Variants in OLFM2 observed in about 807,000 individuals in gnomAD.
OLFM2 encodes the protein noelin-2.
In OLFM2, 20 loss-of-function variants were observed where a neutral mutation model predicts 43.9. That is an observed-to-expected ratio of 0.46 (90% CI 0.32 to 0.66). OLFM2 has a LOEUF of 0.66. OLFM2 is among the 30% of genes least tolerant of loss of function. The pLI is 0.04. For synonymous variants in OLFM2, 268 were observed against 278.6 expected (o/e 0.96, Z 0.38); for missense variants, 416 against 643.6 (o/e 0.65, Z 3.83).
intron 1 of OLFM2, among the ~76,000 whole-genome samples, chr19:9,864,806 T>TC (rs1846663597): frequency 1.3e-5 from 2 of 149,482 alleles, no homozygotes; most frequent in Non-Finnish European, 3.0e-5. Flanking sequence ...TTTTTTTTTT[T>TC]TCCTTTTGTA....
At chr19:9,860,488 A>AAG (rs1177388030) in intron 2 of OLFM2, among the ~76,000 whole-genome samples, 157 bp downstream of exon 2, 165 of 151,362 alleles carry the variant, frequency 1.1e-3, no homozygotes, top group African/African-American at 3.9e-3. Context: ...AAAAAAAAAA[A>AAG]AAAAGGACCT....
intron 1 of OLFM2, among the ~76,000 whole-genome samples, chr19:9,900,989 AGGGAGGGAGGGGGGAGGGAG>A (rs1268306866): frequency 3.3e-5 from 1 of 30,334 alleles, no homozygotes; most frequent in Non-Finnish European, 5.1e-5. Context: ...GAAGGAAGGA[AGGGAGGGAGGGGGGAGGGAG>A]GGAAGGAGGA....
At chr19:9,917,537 G>A (rs2086392217) in intron 1 of OLFM2, among the ~76,000 whole-genome samples, 1 of 152,086 alleles carries the variant, frequency 6.6e-6, no homozygotes, top group African/African-American at 2.4e-5. Context: ...GTCTGCTTGG[G>A]GTGGAGGGTG....
intron 1 of OLFM2, among the ~76,000 whole-genome samples, chr19:9,905,318 G>T (rs919487141): frequency 4.6e-5 from 7 of 152,220 alleles, no homozygotes; most frequent in Admixed American, 3.9e-4. Context: ...TTAGCCGGGC[G>T]TAGTGGTGGG....
chr19:9,883,356 A>G (rs1356792348), intron 1 of OLFM2, among the ~76,000 whole-genome samples: 4 of 152,102 alleles, frequency 2.6e-5, no homozygotes, highest in Admixed American at 1.3e-4. Context: ...TTTCAGATGA[A>G]TCAATCTCAG....
At chr19:9,868,069 A>AT (rs59081480) in intron 1 of OLFM2, among the ~76,000 whole-genome samples, 17,080 of 147,132 alleles carry the variant, frequency 0.12, 1,043 homozygotes, top group Middle Eastern at 0.18. Context: ...AACCAGGCTA[A>AT]TTTTTTTTTT....
In OLFM2 at chr19:9,857,790, G is replaced by A; in HGVS notation, c.285C>T (p.Gly95=). ...RTYRDLQYVR[G]METLMRSLDA... is the part of the protein sequence containing the mutation. ...CCAGGCTCCGCATGAGGGTCTCCAT[G>A]CCGCGTACATACTGGAGGTCGCGAT... Residue 95 remains glycine, a synonymous_variant, in exon 3 of 6, where the codon GGC becomes GGT. Coordinates refer to ENST00000264833, the MANE Select transcript of OLFM2 (RefSeq NM_058164.4). This position sits in a 1 kb window ranked among gnomAD's most constrained non-coding sequence, Gnocchi z 5.7. 1 of 1,614,130 alleles carries A rather than the reference G, an allele frequency of 6.2e-7. No homozygotes were observed. The highest frequency in any genetic ancestry group is 2.2e-5 in the East Asian group (1 of 44,876).
chr19:9,872,490 G>A (rs1241358394), intron 1 of OLFM2, among the ~76,000 whole-genome samples: 1 of 150,684 alleles, frequency 6.6e-6, no homozygotes, highest in South Asian at 2.1e-4. Context: ...ACTCCAACCT[G>A]GGTGACAGAG....
At chr19:9,884,561 G>A (rs969266244) in intron 1 of OLFM2, among the ~76,000 whole-genome samples, 19 of 152,128 alleles carry the variant, frequency 1.2e-4, no homozygotes, top group African/African-American at 4.1e-4. Context: ...CCAGGTCTAT[G>A]GGACTGTAGA....
chr19:9,914,158 GGGA>G (rs1192678425), intron 1 of OLFM2, among the ~76,000 whole-genome samples: 1 of 151,832 alleles, frequency 6.6e-6, no homozygotes, highest in Non-Finnish European at 1.5e-5. Context: ...CCTGAGCCGC[GGGA>G]CCCCGCGCGT....
In OLFM2 at chr19:9,929,595, C is replaced by CAAAAT. The variant is rs71188856; in HGVS notation, c.63+6704_63+6708dup. On this transcript the variant is annotated intron_variant, in intron 1 of 5. Transcript: ENST00000264833. ...TGGGCGACAGAGTGAGACCCCGTCTCAAAATAAAATAAAATAAAATAAAAT... is the reference window on the plus strand; with the variant it reads ...TGGGCGACAGAGTGAGACCCCGTCTCAAAATAAAATAAAATAAAATAAAATAAAAT... Among the ~76,000 whole-genome samples, 607 of 148,302 alleles carry CAAAAT rather than the reference C, an allele frequency of 4.1e-3. 2 individuals carry two copies. Among genetic ancestry groups the CAAAAT allele is most frequent in the Middle Eastern group, 0.014 (4 of 284 alleles).
intron 1 of OLFM2, among the ~76,000 whole-genome samples, chr19:9,900,536 CG>C (rs1395046839): frequency 2.6e-5 from 4 of 151,912 alleles, no homozygotes; most frequent in African/African-American, 9.7e-5. Context: ...TTCCTTGTGC[CG>C]GGCACCTTTC....
chr19:9,857,792 C>T lies in OLFM2; in HGVS notation c.283G>A (p.Gly95Ser), dbSNP rs769224119. The part of the protein sequence containing the change: ...RTYRDLQYVR[G>S]METLMRSLDA... ...AGGCTCCGCATGAGGGTCTCCATGC[C>T]GCGTACATACTGGAGGTCGCGATAC... Residue 95 changes from glycine to serine, a missense_variant, in exon 3 of 6, where the codon GGC becomes AGC. Gly to Ser is a moderately conservative substitution (Grantham distance 56). Transcript: ENST00000264833. The surrounding 1 kb of genome is among the most constrained non-coding windows in gnomAD (Gnocchi z 5.7). The T allele has an allele frequency of 9.9e-6, 16 of 1,614,012 alleles. No individual in the cohort carries two copies. In the Admixed American group the frequency reaches 1.0e-4, roughly 10 times the overall value.
chr19:9,925,948 A>G (rs2086449810), intron 1 of OLFM2, among the ~76,000 whole-genome samples: 1 of 151,348 alleles, frequency 6.6e-6, no homozygotes, highest in African/African-American at 2.4e-5. Flanking sequence ...CAGCTTGAGC[A>G]AGATGACAAG....
chr19:9,865,780 C>G (rs2046397096), intron 1 of OLFM2, among the ~76,000 whole-genome samples: 1 of 150,454 alleles, frequency 6.6e-6, no homozygotes, highest in African/African-American at 2.4e-5. Context: ...GCATGAGCCA[C>G]CGTGCCCGGC....
rs528805760 is a variant in OLFM2, at chr19:9,918,535, G to T, written c.63+17769C>A. Among the ~76,000 whole-genome samples the T allele has an allele frequency of 2.0e-5, 3 of 152,218 alleles. No individual in the cohort carries two copies. The South Asian group carries it at 6.2e-4, about 32-fold the overall frequency. On this transcript the variant is annotated intron_variant, in intron 1 of 5. Coordinates refer to ENST00000264833, the MANE Select transcript of OLFM2 (RefSeq NM_058164.4). ...ACCCAGCAATTCCATCTACCCAAGA[G>T]AAACCAAAGCATATGTCTATGAAAA...
intron 1 of OLFM2, among the ~76,000 whole-genome samples, chr19:9,906,904 G>T (rs2046789910): frequency 6.6e-6 from 1 of 152,090 alleles, no homozygotes; most frequent in African/African-American, 2.4e-5. Flanking sequence ...CATCTCCCTT[G>T]TTCAAAATGA....
chr19:9,893,701 GT>G (rs2144965944), intron 1 of OLFM2, among the ~76,000 whole-genome samples: 1 of 152,278 alleles, frequency 6.6e-6, no homozygotes, highest in African/African-American at 2.4e-5. Flanking sequence ...TTGGGTGAAC[GT>G]CTACTGCAAA....
chr19:9,856,756 A>C lies in OLFM2; in HGVS notation c.687+51T>G, dbSNP rs2046320827. On this transcript the variant is annotated intron_variant, in intron 5 of 5. Coordinates refer to ENST00000264833, the MANE Select transcript of OLFM2 (RefSeq NM_058164.4). The surrounding 1 kb of genome is among the most constrained non-coding windows in gnomAD (Gnocchi z 4.0). ...TCCCTAGGCACCTATGGGCAGTCAA[A>C]GGCTCTGTCCCTCCCAGGCCCTGAC... 6.8e-7 allele frequency: 1 copy of C among 1,472,654 alleles called. No individual in the cohort carries two copies. The highest frequency in any genetic ancestry group is 2.3e-5 in the East Asian group (1 of 43,016). The allele number at this position is 1,472,654 out of a possible 1,614,324, so 91.2% of individuals were successfully genotyped here. A position where few individuals can be genotyped will look rare whatever the true frequency, so the allele number is the denominator to read the frequency against.
Sources: allele counts gnomAD v4.1 joint callset (sites outside exome capture counted in the v4.1 genomes callset), GRCh38; gene constraint gnomAD v4.1.1; non-coding constraint Gnocchi (gnomAD v3.1); transcripts MANE v1.5; gene names NCBI Gene and HGNC (gene_info 2026-07-23, HGNC 2026-07-21).